GRID1: variants seen among roughly 807,000 people sequenced by gnomAD.
GRID1 encodes the protein glutamate ionotropic receptor delta type subunit 1, also known as glutamate receptor ionotropic, delta-1.
GRID1 carries 28 observed loss-of-function variants against 98.0 expected under a neutral mutation model. The ratio of observed to expected loss-of-function variants is 0.29; its 90% CI spans 0.21 to 0.39. The LOEUF (loss-of-function observed/expected upper bound fraction) is 0.39. Among genes scored for constraint, GRID1 ranks in the 10% least tolerant of loss-of-function variants. The probability of loss-of-function intolerance (pLI) is 1.00; values close to 1 mark genes in which losing one functional copy is unlikely to be tolerated. For synonymous variants in GRID1, 553 were observed against 538.5 expected, an observed-to-expected ratio of 1.03 and a Z score of -0.37; for missense variants, 1,111 against 1,340.5, an observed-to-expected ratio of 0.83 and a Z score of 2.67.
intron 4 of GRID1, among the ~76,000 whole-genome samples, chr10:86,118,027 G>T (rs1231741137): frequency 6.6e-6 from 1 of 152,126 alleles, no homozygotes; most frequent in Non-Finnish European, 1.5e-5. Flanking sequence ...AGCATAATTT[G>T]CAATTTCAAA....
intron 12 of GRID1, among the ~76,000 whole-genome samples, chr10:85,705,533 G>A (rs979272829): frequency 2.6e-5 from 4 of 152,160 alleles, no homozygotes; most frequent in African/African-American, 9.7e-5. Context: ...ACAGGTACAA[G>A]GAGGAGCTGG....
chr10:86,186,362 A>G (rs1234147934), intron 3 of GRID1, among the ~76,000 whole-genome samples: 1 of 152,200 alleles, frequency 6.6e-6, no homozygotes, highest in Non-Finnish European at 1.5e-5. Context: ...ATGAAAAACC[A>G]CTTTTTGTTT....
chr10:86,204,906 G>A (rs1423500066), intron 3 of GRID1, among the ~76,000 whole-genome samples: 1 of 151,472 alleles, frequency 6.6e-6, no homozygotes, highest in Non-Finnish European at 1.5e-5. Context: ...CTCGGGGAAG[G>A]CCTGGCCCCT....
intron 12 of GRID1, among the ~76,000 whole-genome samples, chr10:85,659,408 C>T (rs1840939214): frequency 6.6e-6 from 1 of 152,172 alleles, no homozygotes; most frequent in African/African-American, 2.4e-5. Flanking sequence ...GAGGTGGACT[C>T]ATGTGGCTGA....
intron 4 of GRID1, among the ~76,000 whole-genome samples, chr10:86,045,381 C>G (rs552238360): frequency 1.3e-5 from 2 of 152,266 alleles, no homozygotes; most frequent in African/African-American, 4.8e-5. Context: ...TACTGTAGAG[C>G]AAAATGGACA....
intron 8 of GRID1, among the ~76,000 whole-genome samples, chr10:85,754,095 G>A (rs1275967920): frequency 6.6e-6 from 1 of 152,140 alleles, no homozygotes; most frequent in East Asian, 1.9e-4. Context: ...TTTCACTCAT[G>A]AGAGCACTGA....
Position 86,275,823 on chromosome 10 carries a change from A to C in GRID1, c.236-69175T>G, listed in dbSNP as rs186151578. On this transcript the variant is annotated intron_variant, in intron 2 of 15. Transcript: ENST00000327946. Reference sequence around the variant, plus strand: ...CTAACATACTCATTATGAGTGTTCCAGAAGGAGAAGAGAGAGATAAAGGGG... The same window carrying C: ...CTAACATACTCATTATGAGTGTTCCCGAAGGAGAAGAGAGAGATAAAGGGG... Among the ~76,000 whole-genome samples, 7 of 152,306 alleles carry C rather than the reference A, an allele frequency of 4.6e-5. No homozygotes were observed. In the East Asian group the frequency reaches 1.2e-3, roughly 25 times the overall value.
rs979778032 is a variant in GRID1 at position 85,960,990 on chromosome 10, C to T, written c.727-44751G>A. Among the ~76,000 whole-genome samples the T allele has an allele frequency of 6.6e-5, 10 of 151,820 alleles. 1 individual carries two copies. The highest frequency in any genetic ancestry group is 2.4e-4 in the African/African-American group (10 of 41,404). On this transcript the variant is annotated intron_variant, in intron 4 of 15. Transcript: ENST00000327946. Reference sequence around the variant, plus strand: ...AGAGAGGCTCGGTGGTAGAGTCGCACGGAGGCTGGCAAGGAGCTCTCTGTG... The same window carrying T: ...AGAGAGGCTCGGTGGTAGAGTCGCATGGAGGCTGGCAAGGAGCTCTCTGTG...
chr10:86,366,661 G>C lies in GRID1; in HGVS notation c.-269C>G, dbSNP rs1848686800. Among the ~76,000 whole-genome samples, 1 of 148,692 alleles carries C rather than the reference G, an allele frequency of 6.7e-6. No individual in the cohort carries two copies. The highest frequency in any genetic ancestry group is 2.1e-4 in the South Asian group (1 of 4,826). ...GAGCCCAGGCCGGCGCGGCGGGGGC[G>C]GCCCGCGGCTGTGGCAGCGGCGCTT... On this transcript the variant is annotated 5_prime_UTR_variant, in exon 1 of 16. Transcript: ENST00000327946. The surrounding 1 kb of genome is among the most constrained non-coding windows in gnomAD (Gnocchi z 4.1).
chr10:85,856,278 G>T, intron 6 of GRID1, 88 bp from the exon 7 acceptor site: 1 of 1,188,810 alleles, frequency 8.4e-7, no homozygotes, highest in Non-Finnish European at 1.2e-6. Context: ...AGGAATGCAG[G>T]ATGCCAACAT....
chr10:85,949,285 G>A (rs566524493), intron 4 of GRID1, among the ~76,000 whole-genome samples: 2 of 152,078 alleles, frequency 1.3e-5, no homozygotes, highest in Non-Finnish European at 2.9e-5. Context: ...TCATTTCCCA[G>A]AAGTAACCAC....
intron 4 of GRID1, among the ~76,000 whole-genome samples, chr10:86,076,789 C>T (rs1024379292): frequency 2.0e-5 from 3 of 150,092 alleles, no homozygotes; most frequent in Non-Finnish European, 3.0e-5. Flanking sequence ...TTTGTCCCTG[C>T]CTTTGTACTA....
intron 8 of GRID1, among the ~76,000 whole-genome samples, chr10:85,840,236 C>T (rs777061095): frequency 5.3e-5 from 8 of 152,098 alleles, no homozygotes; most frequent in Non-Finnish European, 1.2e-4. Context: ...GGAGAAGGGA[C>T]TCCTCCCTAT....
chr10:86,070,118 C>T (rs1843782292), intron 4 of GRID1, among the ~76,000 whole-genome samples: 2 of 152,162 alleles, frequency 1.3e-5, no homozygotes, highest in Admixed American at 6.5e-5. Context: ...AATGGAAAGC[C>T]GATAATTTAT....
At chr10:86,311,130 A>G (rs1365874824) in intron 2 of GRID1, among the ~76,000 whole-genome samples, 2 of 152,166 alleles carry the variant, frequency 1.3e-5, no homozygotes, top group African/African-American at 4.8e-5. Context: ...CTAAGACACC[A>G]TATAGTGGTA....
At chr10:86,018,357 C>A (rs1180362817) in intron 4 of GRID1, among the ~76,000 whole-genome samples, 1 of 152,258 alleles carries the variant, frequency 6.6e-6, no homozygotes. Flanking sequence ...GTGAGGAAAG[C>A]AGACTGGCTC....
chr10:86,205,800 A>AT (rs750249716), intron 3 of GRID1, among the ~76,000 whole-genome samples: 9 of 152,012 alleles, frequency 5.9e-5, no homozygotes, highest in African/African-American at 1.9e-4. Flanking sequence ...GCAAATTATG[A>AT]TTTTTTTTCA....
At chr10:85,790,138 G>T (rs59671072) in intron 8 of GRID1, among the ~76,000 whole-genome samples, 20,054 of 152,198 alleles carry the variant, frequency 0.13, 2,505 homozygotes, top group East Asian at 0.32. Context: ...TCCTATCACA[G>T]CGCTCCAGCA....
At chr10:85,844,837 A>G (rs1170206207) in intron 8 of GRID1, among the ~76,000 whole-genome samples, 1 of 152,072 alleles carries the variant, frequency 6.6e-6, no homozygotes, top group Non-Finnish European at 1.5e-5. Context: ...AAAGAGCAAG[A>G]ATAAAAATTA....
Sources: gnomAD v4.1 joint callset for allele counts (sites outside exome capture counted in the v4.1 genomes callset) on GRCh38, gnomAD v4.1.1 for gene constraint, Gnocchi (gnomAD v3.1) non-coding constraint, MANE v1.5 for transcripts, NCBI Gene and HGNC (gene_info 2026-07-23, HGNC 2026-07-21) for gene names.